The following ADAMTS6 variants were observed in gnomAD, a reference collection of about 807,000 sequenced individuals.
ADAMTS6 encodes the protein ADAM metallopeptidase with thrombospondin type 1 motif 6.
A neutral mutation model predicts 144.3 loss-of-function variants in ADAMTS6; 23 were observed. The ratio of observed to expected loss-of-function variants is 0.16; its 90% CI spans 0.11 to 0.23. The LOEUF (loss-of-function observed/expected upper bound fraction) is 0.23. Among genes scored for constraint, ADAMTS6 ranks in the 10% least tolerant of loss-of-function variants. ADAMTS6 has a pLI of 1.00. For missense variants in ADAMTS6, 999 were observed against 1,379.6 expected (o/e 0.72, Z 4.37); for synonymous variants, 444 against 457.5 (o/e 0.97, Z 0.38).
At chr5:65,453,308 C>T (rs529056749) in intron 4 of ADAMTS6, among the ~76,000 whole-genome samples, 2 of 152,164 alleles carry the variant, frequency 1.3e-5, no homozygotes, top group African/African-American at 2.4e-5. Flanking sequence ...TCTAAGACAG[C>T]TCTGATAGCC....
chr5:65,172,642 G>A (rs1753705382), intron 23 of ADAMTS6, among the ~76,000 whole-genome samples, 190 bp downstream of exon 23: 1 of 152,136 alleles, frequency 6.6e-6, no homozygotes, highest in African/African-American at 2.4e-5. Context: ...GAGAATCACT[G>A]GCTCACTCTG....
chr5:65,453,960 GCC>G (rs2150252780), intron 4 of ADAMTS6, among the ~76,000 whole-genome samples: 1 of 152,128 alleles, frequency 6.6e-6, no homozygotes, highest in East Asian at 1.9e-4. Context: ...AAACTTAATT[GCC>G]ATTGAAACAG....
At chr5:65,436,701 A>AG (rs1757440265) in intron 7 of ADAMTS6, among the ~76,000 whole-genome samples, 1 of 138,358 alleles carries the variant, frequency 7.2e-6, no homozygotes, top group Non-Finnish European at 1.6e-5. Flanking sequence ...CCAAAAAACA[A>AG]AAAACAACTA....
intron 24 of ADAMTS6, among the ~76,000 whole-genome samples, chr5:65,160,418 A>T (rs112170622): frequency 0.094 from 13,848 of 147,080 alleles, 766 homozygotes; most frequent in Non-Finnish European, 0.12. Context: ...GCCATTCTCC[A>T]GCCTCAGCCT....
chr5:65,252,748 C>T (rs752273018), intron 14 of ADAMTS6, among the ~76,000 whole-genome samples: 19 of 152,018 alleles, frequency 1.2e-4, no homozygotes, highest in Admixed American at 3.3e-4. Flanking sequence ...TTCTCAACCA[C>T]AGAAATGAGA....
At chr5:65,477,087 A>G (rs973920464) in intron 1 of ADAMTS6, among the ~76,000 whole-genome samples, 3 of 152,240 alleles carry the variant, frequency 2.0e-5, no homozygotes, top group Admixed American at 1.3e-4. Flanking sequence ...CAATAACGGC[A>G]ATAAGAAGAA....
intron 22 of ADAMTS6, among the ~76,000 whole-genome samples, chr5:65,184,016 AATTATTTCTC>A (rs1303441173): frequency 7.2e-5 from 11 of 152,120 alleles, no homozygotes; most frequent in Admixed American, 7.2e-4. Context: ...TCTTTAGTAA[AATTATTTCTC>A]ATTATTTCTC....
intron 21 of ADAMTS6, among the ~76,000 whole-genome samples, chr5:65,191,788 G>A (rs1375006878): frequency 6.6e-6 from 1 of 151,948 alleles, no homozygotes; most frequent in Non-Finnish European, 1.5e-5. Flanking sequence ...TACAGTCAAG[G>A]TTTTTCTAAA....
At chr5:65,263,048 C>CCTT in intron 12 of ADAMTS6, 86 bp from the exon 13 acceptor site, 8 of 1,518,700 alleles carry the variant, frequency 5.3e-6, no homozygotes, top group Middle Eastern at 1.7e-4. Flanking sequence ...AGGTACTGAC[C>CCTT]AACTATAGGC....
intron 4 of ADAMTS6, among the ~76,000 whole-genome samples, chr5:65,457,004 T>C (rs1039806965): frequency 3.9e-5 from 6 of 152,220 alleles, no homozygotes; most frequent in African/African-American, 1.2e-4. Flanking sequence ...TGGTAGTGTA[T>C]GCCTATAAAT....
At chr5:65,266,407 G>A (rs1323603960) in intron 12 of ADAMTS6, among the ~76,000 whole-genome samples, 4 of 151,828 alleles carry the variant, frequency 2.6e-5, no homozygotes, top group Non-Finnish European at 4.4e-5. Context: ...AATTTTATCA[G>A]AAAGTTAAGT....
chr5:65,456,913 T>C (rs1158168524), intron 4 of ADAMTS6, among the ~76,000 whole-genome samples: 1 of 152,180 alleles, frequency 6.6e-6, no homozygotes, highest in Non-Finnish European at 1.5e-5. Flanking sequence ...TATCTGAATA[T>C]AAGATAAATA....
At chr5:65,386,850 A>G (rs1430882219) in intron 7 of ADAMTS6, among the ~76,000 whole-genome samples, 1 of 152,096 alleles carries the variant, frequency 6.6e-6, no homozygotes, top group Non-Finnish European at 1.5e-5. Context: ...GCCTCCCAAA[A>G]TCCTGGGAAT....
intron 12 of ADAMTS6, among the ~76,000 whole-genome samples, chr5:65,263,271 T>C (rs1264161794): frequency 1.3e-5 from 2 of 152,190 alleles, no homozygotes; most frequent in African/African-American, 4.8e-5. Context: ...GAGCTAGCTA[T>C]AGACCTCAAA....
intron 11 of ADAMTS6, among the ~76,000 whole-genome samples, chr5:65,277,056 G>C (rs1028616258): frequency 6.6e-6 from 1 of 152,140 alleles, no homozygotes; most frequent in Admixed American, 6.5e-5. Context: ...CTTTGTGCTT[G>C]CTCTTGAGTT....
chr5:65,248,207 T>C (rs567546364), intron 14 of ADAMTS6, among the ~76,000 whole-genome samples: 1 of 152,264 alleles, frequency 6.6e-6, no homozygotes, highest in South Asian at 2.1e-4. Flanking sequence ...ACAGTTAAAT[T>C]TAGTGGTCAA....
intron 24 of ADAMTS6, among the ~76,000 whole-genome samples, chr5:65,161,979 T>A (rs1561234387): frequency 6.6e-6 from 1 of 152,198 alleles, no homozygotes; most frequent in Non-Finnish European, 1.5e-5. Context: ...TATATTGTTT[T>A]TACTGCTTAC....
intron 20 of ADAMTS6, among the ~76,000 whole-genome samples, chr5:65,199,593 A>G (rs1755605361): frequency 6.6e-6 from 1 of 152,218 alleles, no homozygotes; most frequent in South Asian, 2.1e-4. Context: ...CCCATAGTCC[A>G]ATATTTTGTT....
chr5:65,363,086 T>C (rs1201833497), intron 7 of ADAMTS6, among the ~76,000 whole-genome samples: 1 of 152,200 alleles, frequency 6.6e-6, no homozygotes, highest in Non-Finnish European at 1.5e-5. Context: ...ATTCATTGTA[T>C]ATTAAATTAT....
Sources: gnomAD v4.1 joint callset for allele counts (sites outside exome capture counted in the v4.1 genomes callset) on GRCh38, gnomAD v4.1.1 for gene constraint, MANE v1.5 for transcripts, NCBI Gene and HGNC (gene_info 2026-07-23, HGNC 2026-07-21) for gene names.